POMZP3: variants seen among roughly 807,000 people sequenced by gnomAD.
POMZP3 encodes POM121 and ZP3 fusion protein.
Under a neutral mutation model 19.8 loss-of-function variants are expected in POMZP3, and 10 were observed. That is an observed-to-expected ratio of 0.51 (90% CI 0.31 to 0.86). The LOEUF (loss-of-function observed/expected upper bound fraction) is 0.86. Ranked by LOEUF, POMZP3 falls within the 40% of genes least tolerant of loss-of-function variation. The pLI is 0.04. For missense variants in POMZP3, 152 were observed against 228.1 expected (o/e 0.67, Z 2.15); for synonymous variants, 57 against 85.8 (o/e 0.66, Z 1.85).
chr7:76,611,400 A>G (rs1259038229), intron 6 of POMZP3, 54 bp downstream of exon 6: 1 of 1,489,862 alleles, frequency 6.7e-7, no homozygotes, highest in Non-Finnish European at 9.0e-7. Flanking sequence ...GACAGCAGGT[A>G]CCCTCAACTG....
At chr7:76,620,860 C>CT (rs752303123) in intron 3 of POMZP3, among the ~76,000 whole-genome samples, 3 of 100,262 alleles carry the variant, frequency 3.0e-5, no homozygotes, top group African/African-American at 4.4e-5. Context: ...GCTGTAAAGC[C>CT]ATTTTTTTTT....
intron 3 of POMZP3, among the ~76,000 whole-genome samples, chr7:76,619,682 C>T (rs1419146717): frequency 7.0e-6 from 1 of 143,476 alleles, no homozygotes. Flanking sequence ...AAATGAATGA[C>T]GTGGCCCAAG....
intron 4 of POMZP3, 29 bp from the exon 5 acceptor site, chr7:76,611,842 C>T (rs376096425): frequency 1.4e-5 from 22 of 1,522,022 alleles, no homozygotes; most frequent in African/African-American, 8.5e-5. Context: ...ATTTCCAGGC[C>T]GAGTTCCAGG....
rs1815388144 is a variant in POMZP3 at position 76,618,769 on chromosome 7, G to A, written c.228-469C>T. 2.0e-5 allele frequency among the ~76,000 whole-genome samples: 3 copies of A among 152,026 alleles called. No individual in the cohort carries two copies. In the South Asian group the frequency reaches 6.2e-4, roughly 32 times the overall value. On this transcript the variant is annotated intron_variant, in intron 3 of 6. Coordinates refer to ENST00000310842, the MANE Select transcript of POMZP3 (RefSeq NM_012230.5). The stretch of plus-strand genomic sequence containing the variant: ...AGACCCAAGAAGCCCCCAGAAGGTA[G>A]GGGGATAAGCTGAAGAATTGTTAAA...
At position 76,625,690 on chromosome 7, in the gene POMZP3, T is replaced by C; in HGVS notation, c.66-7A>G. 6.2e-7 allele frequency: 1 copy of C among 1,612,268 alleles called. No individual in the cohort carries two copies. Among genetic ancestry groups the C allele is most frequent in the Admixed American group, 1.7e-5 (1 of 59,664 alleles). On this transcript the variant is annotated splice_region_variant and splice_polypyrimidine_tract_variant and intron_variant, in intron 2 of 6. Coordinates refer to ENST00000310842, the MANE Select transcript of POMZP3 (RefSeq NM_012230.5). ...GCTGATTATCTGCTCTGGTCTATAA[T>C]GAAAGACAGGATTCTAGCAGTAAGA...
In POMZP3 at chr7:76,626,003, G is replaced by T. The variant is rs1157485276; in HGVS notation, c.62C>A (p.Ala21Glu). ...TTCTTCCAACGATAATACTCACATC[G>T]CAGAACGCGAAAATCTTCTGTCAGG... ...APPDRRFSRSAIPEQIISSTL... is the reference protein window; with the variant it reads ...APPDRRFSRSEIPEQIISSTL... The change falls in exon 2 of 7, where the codon GCG becomes GAG. Residue 21 changes from alanine to glutamate, a missense_variant. By Grantham distance (107) the Ala-to-Glu change is moderately radical. Transcript: ENST00000310842. 15 of 1,613,626 alleles carry T rather than the reference G, an allele frequency of 9.3e-6. No homozygotes were observed. The highest frequency in any genetic ancestry group is 2.7e-5 in the African/African-American group (2 of 74,904).
At chr7:76,611,020 A>G (rs1246029771) in intron 6 of POMZP3, among the ~76,000 whole-genome samples, 2 of 139,758 alleles carry the variant, frequency 1.4e-5, no homozygotes, top group East Asian at 4.2e-4. Flanking sequence ...GATTACAGGC[A>G]TGTACCACCA....
chr7:76,611,393 A>C (rs903311182), intron 6 of POMZP3, 61 bp downstream of exon 6: 4 of 1,469,884 alleles, frequency 2.7e-6, no homozygotes, highest in Non-Finnish European at 3.7e-6. Flanking sequence ...CTGAAATGAC[A>C]GCAGGTACCC....
chr7:76,626,027 G>A lies in POMZP3; in HGVS notation c.38C>T (p.Pro13Leu), dbSNP rs749989283. Residue 13 changes from proline (P) to leucine (L), a missense_variant, in exon 2 of 7, where the codon CCT becomes CTT. Coordinates refer to ENST00000310842, the MANE Select transcript of POMZP3 (RefSeq NM_012230.5). ...CGCAGAACGCGAAAATCTTCTGTCA[G>A]GAGGGGCGATCCTCAGAGTCACTGG... Reference protein sequence around the residue: ...CSPVTLRIAPPDRRFSRSAIP... With the variant: ...CSPVTLRIAPLDRRFSRSAIP... 1 of 1,613,836 alleles carries A rather than the reference G, an allele frequency of 6.2e-7. No homozygotes were observed. Among genetic ancestry groups the A allele is most frequent in the Non-Finnish European group, 8.5e-7 (1 of 1,179,758 alleles).
rs561588416 is a variant in POMZP3 at position 76,621,451 on chromosome 7, A to G, written c.228-3151T>C. ...ATGCCACCTGGAGTGGAGTTAAAGA[A>G]GTTATTATTTTTTTTTAACTTCTAC... On this transcript the variant is annotated intron_variant, in intron 3 of 6. Transcript: ENST00000310842. 1.3e-4 allele frequency: 20 copies of G among 149,974 alleles called. 1 individual carries two copies. Among genetic ancestry groups the G allele is most frequent in the African/African-American group, 4.7e-4 (19 of 40,340 alleles). The allele number at this position is 149,974 out of a possible 1,614,324, so 9.3% of individuals were successfully genotyped here. A position where few individuals can be genotyped will look rare whatever the true frequency, so the allele number is the denominator to read the frequency against.
intron 4 of POMZP3, among the ~76,000 whole-genome samples, chr7:76,617,411 T>G (rs1208605314): frequency 2.2e-5 from 2 of 92,478 alleles, no homozygotes; most frequent in African/African-American, 1.0e-4. Context: ...TCCCTCTTAG[T>G]GTCAATTTGA....
chr7:76,627,224 G>T lies in POMZP3; in HGVS notation c.-668C>A. On this transcript the variant is annotated 5_prime_UTR_variant, in exon 1 of 7. Coordinates refer to ENST00000310842, the MANE Select transcript of POMZP3 (RefSeq NM_012230.5). ...CGCTATCGGCCGCCGCCGCTCGCCTGCTCCAGCCGCCGCAGCCGCCGGAGA... is the reference window on the plus strand; with the variant it reads ...CGCTATCGGCCGCCGCCGCTCGCCTTCTCCAGCCGCCGCAGCCGCCGGAGA... 1.4e-6 allele frequency: 2 copies of T among 1,415,334 alleles called. No homozygotes were observed. The highest frequency in any genetic ancestry group is 1.9e-6 in the Non-Finnish European group (2 of 1,077,124). The allele number at this position is 1,415,334 out of a possible 1,614,324, so 87.7% of individuals were successfully genotyped here. A position where few individuals can be genotyped will look rare whatever the true frequency, so the allele number is the denominator to read the frequency against.
chr7:76,623,524 T>A (rs988699460), intron 3 of POMZP3, among the ~76,000 whole-genome samples: 1 of 147,880 alleles, frequency 6.8e-6, no homozygotes, highest in African/African-American at 2.5e-5. Context: ...TCAAGCCTGG[T>A]GCGGTGGCTT....
chr7:76,620,810 A>G (rs2116869759), intron 3 of POMZP3, among the ~76,000 whole-genome samples: 1 of 149,474 alleles, frequency 6.7e-6, no homozygotes, highest in South Asian at 2.2e-4. Context: ...TGGGACTTAC[A>G]TAAGATAATT....
intron 3 of POMZP3, chr7:76,618,633 A>T (rs1815380533): frequency 3.2e-6 from 1 of 313,854 alleles, no homozygotes; most frequent in African/African-American, 2.1e-5. Flanking sequence ...AAAGAAAAAA[A>T]AGGAACGTTC....
At chr7:76,611,291 C>G (rs1259102126) in intron 6 of POMZP3, among the ~76,000 whole-genome samples, 163 bp downstream of exon 6, 1 of 151,788 alleles carries the variant, frequency 6.6e-6, no homozygotes, top group African/African-American at 2.4e-5. Context: ...AGAGCCCCCT[C>G]CTGCTTAACC....
intron 3 of POMZP3, among the ~76,000 whole-genome samples, chr7:76,622,287 G>A (rs374700157): frequency 1.1e-4 from 16 of 151,662 alleles, no homozygotes; most frequent in East Asian, 5.8e-4. Flanking sequence ...TTATGGACTC[G>A]CCCTGAATTC....
At position 76,626,241 on chromosome 7, in the gene POMZP3, G is replaced by A. The variant is rs930185397; in HGVS notation, c.-151-26C>T. 61 of 1,519,476 alleles carry A rather than the reference G, an allele frequency of 4.0e-5. No homozygotes were observed. The African/African-American group carries it at 7.5e-4, about 19-fold the overall frequency. The allele number at this position is 1,519,476 out of a possible 1,614,324, so 94.1% of individuals were successfully genotyped here. On this transcript the variant is annotated intron_variant, in intron 1 of 6. Transcript: ENST00000310842. ...CTGCAGAGAATGCGAGACAAATCAT[G>A]GAAACAAAGTATAAAAGAATGTCAA...
intron 3 of POMZP3, among the ~76,000 whole-genome samples, chr7:76,619,238 A>G (rs1815413903): frequency 6.6e-6 from 1 of 152,140 alleles, no homozygotes; most frequent in South Asian, 2.1e-4. Context: ...AAATACAAAA[A>G]TTAGCCAGGC....
Sources: gnomAD v4.1 joint callset for allele counts (sites outside exome capture counted in the v4.1 genomes callset) on GRCh38, gnomAD v4.1.1 for gene constraint, MANE v1.5 for transcripts, NCBI Gene and HGNC (gene_info 2026-07-23, HGNC 2026-07-21) for gene names.